STK32B: variants seen among roughly 807,000 people sequenced by gnomAD.
STK32B encodes serine/threonine-protein kinase 32B.
STK32B carries 43 observed loss-of-function variants against 52.6 expected under a neutral mutation model. The ratio of observed to expected loss-of-function variants is 0.82; its 90% CI spans 0.64 to 1.05. The LOEUF is 1.05. STK32B is among the 50% of genes least tolerant of loss of function. The pLI is 0.00. For missense variants in STK32B, 621 were observed against 534.6 expected (o/e 1.16, Z -1.59); for synonymous variants, 238 against 204.3 (o/e 1.17, Z -1.41).
chr4:5,113,797 G>A (rs1381094354), intron 1 of STK32B, among the ~76,000 whole-genome samples: 3 of 152,118 alleles, frequency 2.0e-5, no homozygotes, highest in African/African-American at 4.8e-5. Context: ...AAAGAAAGAG[G>A]TTTAATGGAC....
chr4:5,043,966 A>G, the STK32B span, among the ~76,000 whole-genome samples: 1 of 152,162 alleles, frequency 6.6e-6, no homozygotes, highest in African/African-American at 2.4e-5. Flanking sequence ...TTGCCTCCAC[A>G]TAGGTTTTTA....
At chr4:5,175,421 C>T (rs1402327816) in intron 3 of STK32B, among the ~76,000 whole-genome samples, 1 of 152,168 alleles carries the variant, frequency 6.6e-6, no homozygotes, top group Non-Finnish European at 1.5e-5. Flanking sequence ...GTTTTTTCCT[C>T]ATCTTTTTGG....
intron 4 of STK32B, among the ~76,000 whole-genome samples, chr4:5,341,080 A>C (rs748570381): frequency 1.3e-5 from 2 of 152,174 alleles, no homozygotes; most frequent in African/African-American, 4.8e-5. Context: ...TTCAAATTGC[A>C]CTGAACTGTT....
chr4:5,258,354 A>G (rs1417116368), intron 3 of STK32B, among the ~76,000 whole-genome samples: 1 of 152,120 alleles, frequency 6.6e-6, no homozygotes, highest in Non-Finnish European at 1.5e-5. Flanking sequence ...GACAATTATG[A>G]GATTGAATGT....
At chr4:5,410,422 G>C (rs149749218) in intron 5 of STK32B, among the ~76,000 whole-genome samples, 1 of 152,256 alleles carries the variant, frequency 6.6e-6, no homozygotes, top group Non-Finnish European at 1.5e-5. Flanking sequence ...GCAGATGACC[G>C]TGTGTAGTTT....
At chr4:5,185,044 C>T (rs1011442986) in intron 3 of STK32B, among the ~76,000 whole-genome samples, 2 of 152,230 alleles carry the variant, frequency 1.3e-5, no homozygotes, top group African/African-American at 4.8e-5. Flanking sequence ...TCTCCTCCAG[C>T]GTCAGACGTG....
At chr4:5,478,582 C>T (rs923304248) in intron 11 of STK32B, among the ~76,000 whole-genome samples, 5 of 152,170 alleles carry the variant, frequency 3.3e-5, no homozygotes, top group Non-Finnish European at 7.3e-5. Context: ...TGAGTTTTTA[C>T]TTAGAAAAGA....
At chr4:5,352,736 T>C (rs914350089) in intron 4 of STK32B, among the ~76,000 whole-genome samples, 1 of 151,046 alleles carries the variant, frequency 6.6e-6, no homozygotes, top group South Asian at 2.1e-4. Context: ...ATCTGATAAA[T>C]CGAGTAAAGT....
At chr4:5,392,172 C>T (rs377544574) in intron 4 of STK32B, among the ~76,000 whole-genome samples, 10 of 152,210 alleles carry the variant, frequency 6.6e-5, no homozygotes, top group Non-Finnish European at 1.2e-4. Context: ...TGATGGCTCA[C>T]GCCTGTAATC....
chr4:5,316,773 A>G (rs1157625826), intron 3 of STK32B, among the ~76,000 whole-genome samples: 1 of 8,584 alleles, frequency 1.2e-4, no homozygotes, highest in African/African-American at 7.1e-4. Flanking sequence ...TATTATATAT[A>G]TTATATATTA....
At chr4:5,439,137 C>A (rs1346739077) in intron 6 of STK32B, among the ~76,000 whole-genome samples, 2 of 147,600 alleles carry the variant, frequency 1.4e-5, no homozygotes, top group South Asian at 2.2e-4. Context: ...ATGGCTGGGT[C>A]AAATGGTATT....
At position 5,394,213 on chromosome 4, in the gene STK32B, A is replaced by G. The variant is rs1472007017; in HGVS notation, c.435-3994A>G. ...GAGGGCTGGGGAATAATTCAAGAGC[A>G]GCACCGGGTTTTATAGCCCTGCATG... On this transcript the variant is annotated intron_variant, in intron 4 of 11. Transcript: ENST00000282908. This position sits in a 1 kb window ranked among gnomAD's most constrained non-coding sequence, Gnocchi z 4.2. Among the ~76,000 whole-genome samples the G allele has an allele frequency of 1.3e-5, 2 of 152,206 alleles. No homozygotes were observed. Among genetic ancestry groups the G allele is most frequent in the African/African-American group, 4.8e-5 (2 of 41,454 alleles).
At chr4:5,313,122 A>G (rs1730422139) in intron 3 of STK32B, among the ~76,000 whole-genome samples, 1 of 149,362 alleles carries the variant, frequency 6.7e-6, no homozygotes, top group East Asian at 2.0e-4. Flanking sequence ...TAAAAACCAC[A>G]ATTACTTTTG....
At chr4:5,173,088 T>C (rs544253456) in intron 3 of STK32B, among the ~76,000 whole-genome samples, 1 of 152,226 alleles carries the variant, frequency 6.6e-6, no homozygotes, top group Non-Finnish European at 1.5e-5. Flanking sequence ...TTTTCTAGTT[T>C]ATTTGCGTAG....
intron 1 of STK32B, among the ~76,000 whole-genome samples, chr4:5,057,146 C>T (rs1742037917): frequency 6.6e-6 from 1 of 152,232 alleles, no homozygotes; most frequent in Admixed American, 6.5e-5. Flanking sequence ...AAAACAATCA[C>T]TTATTGGGGG....
chr4:5,249,342 T>A (rs35682919), intron 3 of STK32B, among the ~76,000 whole-genome samples: 25,183 of 152,082 alleles, frequency 0.17, 2,475 homozygotes, highest in African/African-American at 0.25. Flanking sequence ...GGCTCAAAGT[T>A]GAGTGTTAAA....
At chr4:5,428,965 C>T (rs1443990760) in intron 6 of STK32B, among the ~76,000 whole-genome samples, 1 of 152,278 alleles carries the variant, frequency 6.6e-6, no homozygotes, top group East Asian at 1.9e-4. Context: ...AAATGTCTAA[C>T]AGCTAGTTCT....
chr4:5,437,248 G>C (rs140678795), intron 6 of STK32B, among the ~76,000 whole-genome samples: 4 of 152,332 alleles, frequency 2.6e-5, no homozygotes, highest in Admixed American at 1.3e-4. Flanking sequence ...AAATTACTAC[G>C]AACTGAGTGG....
At chr4:5,149,451 C>T (rs998608297) in intron 2 of STK32B, among the ~76,000 whole-genome samples, 3 of 151,648 alleles carry the variant, frequency 2.0e-5, no homozygotes, top group Middle Eastern at 3.2e-3. Flanking sequence ...ATATTTAAAA[C>T]TATGTTTTAA....
Sources: gnomAD v4.1 joint callset for allele counts (sites outside exome capture counted in the v4.1 genomes callset) on GRCh38, gnomAD v4.1.1 for gene constraint, Gnocchi (gnomAD v3.1) non-coding constraint, MANE v1.5 for transcripts, NCBI Gene and HGNC (gene_info 2026-07-23, HGNC 2026-07-21) for gene names.